DROSHA: variants seen among roughly 807,000 people sequenced by gnomAD.
DROSHA encodes the protein drosha ribonuclease III, also known as ribonuclease 3.
Under a neutral mutation model 181.9 loss-of-function variants are expected in DROSHA, and 56 were observed. That is an observed-to-expected ratio of 0.31 (90% confidence interval 0.25 to 0.38). The LOEUF is 0.38. Among genes scored for constraint, DROSHA ranks in the 10% least tolerant of loss-of-function variants. The pLI is 1.00. For missense variants in DROSHA, 1,218 were observed against 1,743.5 expected (o/e 0.70, Z 5.37); for synonymous variants, 524 against 591.2 (o/e 0.89, Z 1.65).
At chr5:31,424,580 T>G in intron 27 of DROSHA, 109 bp from the exon 28 acceptor site, 1 of 1,337,856 alleles carries the variant, frequency 7.5e-7, no homozygotes, top group Non-Finnish European at 1.0e-6. Context: ...AGACACTGAC[T>G]CCACTTATGG....
At chr5:31,474,353 A>G (rs908928521) in intron 16 of DROSHA, among the ~76,000 whole-genome samples, 12 of 152,038 alleles carry the variant, frequency 7.9e-5, no homozygotes, top group African/African-American at 2.9e-4. Context: ...AATTTCATAT[A>G]TTAAAGTCCT....
Position 31,514,260 on chromosome 5 carries a change from C to CACACACAT in DROSHA, c.1290+727_1290+728insATGTGTGT, listed in dbSNP as rs753924778. On this transcript the variant is annotated intron_variant, in intron 8 of 35. Coordinates refer to ENST00000344624, the MANE Select transcript of DROSHA (RefSeq NM_001382508.1). This position sits in a 1 kb window ranked among gnomAD's most constrained non-coding sequence, Gnocchi z 4.4. The stretch of plus-strand genomic sequence containing the variant: ...ACACACACACACACACACACACACA[C>CACACACAT]ATACACATACACACTACAAACTGCA... Among the ~76,000 whole-genome samples, 7 of 148,332 alleles carry CACACACAT rather than the reference C, an allele frequency of 4.7e-5. No homozygotes were observed. The highest frequency in any genetic ancestry group is 7.5e-5 in the African/African-American group (3 of 39,744).
chr5:31,433,930 C>T (rs528062920), intron 25 of DROSHA, among the ~76,000 whole-genome samples: 6 of 152,302 alleles, frequency 3.9e-5, no homozygotes, highest in Non-Finnish European at 8.8e-5. Context: ...GGAAGGTGAC[C>T]TAGAGCTTTC....
In DROSHA at chr5:31,409,535, A is replaced by G; in HGVS notation, c.3668-203T>C. The stretch of plus-strand genomic sequence containing the variant: ...AAGAGATGTGTAAGATGCAAATCAT[A>G]GAGTACAAACACCAAACTGCATTTA... On this transcript the variant is annotated intron_variant, in intron 31 of 35. Transcript: ENST00000344624. This position sits in a 1 kb window ranked among gnomAD's most constrained non-coding sequence, Gnocchi z 4.0. 1.8e-6 allele frequency: 1 copy of G among 564,004 alleles called. No individual in the cohort carries two copies. Among genetic ancestry groups the G allele is most frequent in the Non-Finnish European group, 3.2e-6 (1 of 313,678 alleles). 34.9% of individuals were successfully genotyped at this position (564,004 alleles called of 1,614,324 possible).
chr5:31,530,563 G>A (rs1561308117), intron 3 of DROSHA, among the ~76,000 whole-genome samples: 1 of 148,640 alleles, frequency 6.7e-6, no homozygotes, highest in Non-Finnish European at 1.5e-5. Flanking sequence ...ACCCTAGGCA[G>A]AGGTTGCAGT....
chr5:31,450,066 T>C (rs562913885), intron 21 of DROSHA, among the ~76,000 whole-genome samples: 18 of 152,174 alleles, frequency 1.2e-4, no homozygotes, highest in South Asian at 2.1e-4. Context: ...TGAAAGAATG[T>C]TCAACATCAC....
At position 31,485,080 on chromosome 5, in the gene DROSHA, T is replaced by A. The variant is rs74524763; in HGVS notation, c.1915-118A>T. On this transcript the variant is annotated intron_variant, in intron 14 of 35. Transcript: ENST00000344624. The stretch of plus-strand genomic sequence containing the variant: ...GTCTGTTAAAACTATACTAAGACCA[T>A]ATAGTTTCCTGAAGAGTTTGGCCAC... 6.0e-6 allele frequency: 4 copies of A among 663,584 alleles called. No individual in the cohort carries two copies. In the African/African-American group the frequency reaches 7.4e-5, roughly 12 times the overall value. The allele number at this position is 663,584 out of a possible 1,614,324, so 41.1% of individuals were successfully genotyped here.
chr5:31,404,153 C>A (rs749985205), intron 35 of DROSHA, among the ~76,000 whole-genome samples: 1 of 151,588 alleles, frequency 6.6e-6, no homozygotes, highest in Non-Finnish European at 1.5e-5. Flanking sequence ...CTTTAAGGAA[C>A]TGCTACATAC....
At chr5:31,468,639 A>G (rs1292854995) in intron 17 of DROSHA, among the ~76,000 whole-genome samples, 1 of 152,232 alleles carries the variant, frequency 6.6e-6, no homozygotes, top group African/African-American at 2.4e-5. Flanking sequence ...TGTCTAATAA[A>G]GGAAGAAGTG....
intron 23 of DROSHA, among the ~76,000 whole-genome samples, chr5:31,446,420 C>T (rs901920076): frequency 1.6e-5 from 2 of 124,738 alleles, no homozygotes; most frequent in African/African-American, 6.3e-5. Flanking sequence ...GCACTCCAGC[C>T]TGGGCGACAG....
intron 18 of DROSHA, chr5:31,467,278 A>G (rs1002930349): frequency 4.4e-5 from 6 of 135,312 alleles, no homozygotes; most frequent in Non-Finnish European, 8.2e-5. Context: ...TTCTCCCACT[A>G]TGAATCCTTT....
intron 16 of DROSHA, among the ~76,000 whole-genome samples, chr5:31,478,360 A>C (rs1452809979): frequency 6.6e-6 from 1 of 152,240 alleles, no homozygotes; most frequent in Admixed American, 6.5e-5. Context: ...CGAATTTGTG[A>C]TGGGCCACAT....
intron 12 of DROSHA, among the ~76,000 whole-genome samples, chr5:31,494,694 A>T (rs10079192): frequency 0.93 from 140,403 of 151,462 alleles, 65,340 homozygotes; most frequent in Non-Finnish European, 0.98. Flanking sequence ...TCAAAAAAAA[A>T]TTTTTTTTTT....
rs770015121 is a variant in DROSHA at position 31,526,891 on chromosome 5, C to T, written c.42G>A (p.Pro14=). 1.1e-5 allele frequency: 17 copies of T among 1,612,474 alleles called. No individual in the cohort carries two copies. The highest frequency in any genetic ancestry group is 1.9e-4 in the Middle Eastern group (1 of 5,402). ...CTCGTCCTCGGGGACACCCTCGTCC[C>T]GGGTGGAACGACATTCTGTGACTTC... ...GNTCHRMSFH[P]GRGCPRGRGG... is the part of the protein sequence containing the mutation. Residue 14 remains proline, a synonymous_variant, in exon 5 of 36, where the codon CCG becomes CCA. Coordinates refer to ENST00000344624, the MANE Select transcript of DROSHA (RefSeq NM_001382508.1).
rs376116505 is a variant in DROSHA at position 31,514,724 on chromosome 5, C to T, written c.1290+264G>A. Among the ~76,000 whole-genome samples the T allele has an allele frequency of 2.2e-4, 33 of 152,286 alleles. No homozygotes were observed. In the South Asian group the frequency reaches 6.6e-3, roughly 31 times the overall value. ...ACTCTTGGCTTTTAGCTTTTTAAAA[C>T]GGCTTTTGTCTGTAACAGTGATTCT... On this transcript the variant is annotated intron_variant, in intron 8 of 35. Transcript: ENST00000344624. This position sits in a 1 kb window ranked among gnomAD's most constrained non-coding sequence, Gnocchi z 4.4.
At chr5:31,421,615 A>C (rs1245171590) in intron 29 of DROSHA, 1 of 446,434 alleles carries the variant, frequency 2.2e-6, no homozygotes, top group Non-Finnish European at 4.0e-6. Context: ...GATTGCCAAA[A>C]TAAAGACTGG....
At chr5:31,434,859 G>C (rs764251914) in intron 25 of DROSHA, among the ~76,000 whole-genome samples, 22 of 152,164 alleles carry the variant, frequency 1.4e-4, no homozygotes, top group Non-Finnish European at 1.5e-5. Context: ...AAAATGTAAG[G>C]ATTTATCACA....
Position 31,400,525 on chromosome 5 carries a change from A to G in DROSHA, c.*907T>C, listed in dbSNP as rs1739911742. The G allele has an allele frequency of 6.6e-6, 1 of 152,274 alleles. No homozygotes were observed. The allele number at this position is 152,274 out of a possible 1,614,324, so 9.4% of individuals were successfully genotyped here. On this transcript the variant is annotated 3_prime_UTR_variant, in exon 36 of 36. Coordinates refer to ENST00000344624, the MANE Select transcript of DROSHA (RefSeq NM_001382508.1). ...TTACAAAGAAGTTTTGCCTTTATTA[A>G]TAAGAAACCAGTGATGTTTAGTTTG...
intron 30 of DROSHA, among the ~76,000 whole-genome samples, chr5:31,418,789 A>G (rs1257141717): frequency 1.3e-5 from 2 of 152,178 alleles, no homozygotes; most frequent in African/African-American, 4.8e-5. Context: ...CTGACATGCA[A>G]CACTGAATGG....
Sources: gnomAD v4.1 joint callset for allele counts (sites outside exome capture counted in the v4.1 genomes callset) on GRCh38, gnomAD v4.1.1 for gene constraint, Gnocchi (gnomAD v3.1) non-coding constraint, MANE v1.5 for transcripts, NCBI Gene and HGNC (gene_info 2026-07-23, HGNC 2026-07-21) for gene names.